OVCH1: variants seen among roughly 807,000 people sequenced by gnomAD.
OVCH1 encodes the protein ovochymase 1.
A neutral mutation model predicts 138.4 loss-of-function variants in OVCH1; 139 were observed. That is an observed-to-expected ratio of 1.00 (90% CI 0.87 to 1.16). OVCH1 has a LOEUF of 1.16. Ranked by LOEUF, OVCH1 falls within the 50% of genes most tolerant of loss-of-function variation. The pLI, the probability that OVCH1 is intolerant of heterozygous loss-of-function variation, is 0.00. For missense variants in OVCH1, 1,367 were observed against 1,357.9 expected (o/e 1.01, Z -0.11); for synonymous variants, 453 against 467.8 (o/e 0.97, Z 0.41).
intron 16 of OVCH1, among the ~76,000 whole-genome samples, chr12:29,465,955 G>A (rs1466198860): frequency 2.6e-5 from 4 of 151,998 alleles, no homozygotes; most frequent in East Asian, 1.9e-4. Context: ...TAGGGACACG[G>A]ATGAAGCTGG....
intron 21 of OVCH1, among the ~76,000 whole-genome samples, chr12:29,452,442 C>G (rs1384447229): frequency 2.8e-5 from 3 of 105,500 alleles, no homozygotes; most frequent in Admixed American, 2.5e-4. Context: ...TTTATCTGTA[C>G]AGCTACAAGA....
Position 29,444,186 on chromosome 12 carries a change from C to T in OVCH1, c.2976G>A (p.Gly992=), listed in dbSNP as rs1941556904. 2.5e-6 allele frequency: 4 copies of T among 1,611,182 alleles called. No individual in the cohort carries two copies. The East Asian group carries it at 8.9e-5, about 36-fold the overall frequency. Reference sequence around the variant, plus strand: ...GAGAATTTCTTGGGATCTGCATGATCCCTTCTGGCTTGGTCAGAAGAACAT... The same window carrying T: ...GAGAATTTCTTGGGATCTGCATGATTCCTTCTGGCTTGGTCAGAAGAACAT... Residue 992 remains glycine, a synonymous_variant, in exon 24 of 28, where the codon GGG becomes GGA. Transcript: ENST00000318184.
At chr12:29,404,049 A>T in the OVCH1 span, among the ~76,000 whole-genome samples, 1 of 152,238 alleles carries the variant, frequency 6.6e-6, no homozygotes, top group African/African-American at 2.4e-5. Flanking sequence ...CTCTGCAATG[A>T]TAATGATGGG....
chr12:29,412,621 T>A (rs1940975239), intron 4 of OVCH1: 1 of 152,252 alleles, frequency 6.6e-6, no homozygotes, highest in South Asian at 2.1e-4. Flanking sequence ...AGGTGGTACA[T>A]ATACTCACTG....
chr12:29,459,288 A>G (rs964350578), intron 19 of OVCH1, among the ~76,000 whole-genome samples: 1 of 152,224 alleles, frequency 6.6e-6, no homozygotes, highest in African/African-American at 2.4e-5. Flanking sequence ...TACACAATGG[A>G]GTACTACTCA....
chr12:29,487,977 A>AAG, intron 6 of OVCH1, 95 bp from the exon 7 acceptor site: 2 of 1,259,308 alleles, frequency 1.6e-6, no homozygotes, highest in Non-Finnish European at 2.2e-6. Context: ...ACAAAGTGAA[A>AAG]AGAGGTAGAG....
chr12:29,492,027 C>T (rs931407515), intron 4 of OVCH1, among the ~76,000 whole-genome samples: 2 of 152,056 alleles, frequency 1.3e-5, no homozygotes, highest in African/African-American at 4.8e-5. Context: ...AAGAAACAAA[C>T]AGCAAATATA....
chr12:29,478,492 T>C (rs1942817884), intron 9 of OVCH1, among the ~76,000 whole-genome samples: 1 of 152,126 alleles, frequency 6.6e-6, no homozygotes, highest in African/African-American at 2.4e-5. Flanking sequence ...GTTAGTGAAC[T>C]TGAGAAAGGA....
downstream of OVCH1, chr12:29,427,518 C>T (rs1325255452): frequency 6.5e-7 from 1 of 1,545,488 alleles, no homozygotes; most frequent in Non-Finnish European, 8.7e-7. Context: ...ACAGAATGTG[C>T]TTGGTTAGAG....
chr12:29,462,568 A>G (rs1352355614), intron 18 of OVCH1, among the ~76,000 whole-genome samples: 5 of 151,930 alleles, frequency 3.3e-5, no homozygotes, highest in Non-Finnish European at 7.4e-5. Context: ...GTTAACATGT[A>G]TTTTGCATGA....
chr12:29,431,126 T>C (rs377670427), intron 27 of OVCH1, among the ~76,000 whole-genome samples: 3 of 152,288 alleles, frequency 2.0e-5, no homozygotes, highest in South Asian at 4.1e-4. Context: ...GTTTCAAAAA[T>C]AGAGTCCAAA....
the OVCH1 span, among the ~76,000 whole-genome samples, chr12:29,402,818 T>G: frequency 2.0e-5 from 3 of 146,372 alleles, no homozygotes; most frequent in Admixed American, 6.9e-5. Context: ...GAACAGGAGG[T>G]GGGGAAGAGA....
chr12:29,415,957 A>G (rs1207837466), intron 3 of OVCH1, among the ~76,000 whole-genome samples: 1 of 151,792 alleles, frequency 6.6e-6, no homozygotes, highest in East Asian at 1.9e-4. Flanking sequence ...TAGCTCAACA[A>G]AAAAAAAGAT....
intron 21 of OVCH1, 23 bp from the exon 22 acceptor site, chr12:29,451,592 A>T: frequency 6.4e-7 from 1 of 1,565,484 alleles, no homozygotes; most frequent in South Asian, 1.2e-5. Context: ...ACACACAGAC[A>T]CCAGGGACCA....
At chr12:29,445,291 G>C in exon 23 of OVCH1, 1 of 1,610,262 alleles carries the variant, frequency 6.2e-7, no homozygotes, top group Non-Finnish European at 8.5e-7. Context: ...GGACTTTCAA[G>C]ACAATATAGC....
downstream of OVCH1, among the ~76,000 whole-genome samples, chr12:29,408,342 G>A (rs1211364486): frequency 5.6e-4 from 65 of 115,118 alleles, no homozygotes; most frequent in African/African-American, 8.9e-4. Context: ...TTCCAACACT[G>A]TGTTGAATAG....
At chr12:29,433,053 A>T (rs186949334) in intron 27 of OVCH1, among the ~76,000 whole-genome samples, 1 of 151,938 alleles carries the variant, frequency 6.6e-6, no homozygotes, top group East Asian at 1.9e-4. Flanking sequence ...GAGTCTTGCT[A>T]AAAAAAAGAG....
intron 25 of OVCH1, among the ~76,000 whole-genome samples, chr12:29,441,610 A>C (rs1941486697): frequency 6.6e-6 from 1 of 152,192 alleles, no homozygotes; most frequent in Admixed American, 6.5e-5. Context: ...CAAAAGCCAA[A>C]ATTGACAAAT....
intron 3 of OVCH1, among the ~76,000 whole-genome samples, chr12:29,412,880 C>T (rs1419131416): frequency 4.6e-5 from 7 of 152,190 alleles, no homozygotes; most frequent in Admixed American, 1.3e-4. Flanking sequence ...CAAAGTCTCA[C>T]GCTGTCATCC....
Sources: allele counts gnomAD v4.1 joint callset (sites outside exome capture counted in the v4.1 genomes callset), GRCh38; gene constraint gnomAD v4.1.1; transcripts MANE v1.5; gene names NCBI Gene and HGNC (gene_info 2026-07-23, HGNC 2026-07-21).